AUTS2: variants seen among roughly 807,000 people sequenced by gnomAD.
The protein encoded by AUTS2 is autism susceptibility gene 2 protein.
AUTS2 carries 17 observed loss-of-function variants against 112.4 expected under a neutral mutation model. The ratio of observed to expected loss-of-function variants is 0.15; its 90% CI spans 0.10 to 0.23. The LOEUF (loss-of-function observed/expected upper bound fraction) is 0.23, where lower values mean the gene tolerates loss of function less well. Among genes scored for constraint, AUTS2 ranks in the 10% least tolerant of loss-of-function variants. The pLI is 1.00. For missense variants in AUTS2, 1,510 were observed against 1,701.6 expected, an observed-to-expected ratio of 0.89 and a Z score of 1.98; for synonymous variants, 751 against 702.7, an observed-to-expected ratio of 1.07 and a Z score of -1.09.
chr7:70,668,240 A>G (rs1240315898), intron 5 of AUTS2, among the ~76,000 whole-genome samples: 5 of 152,134 alleles, frequency 3.3e-5, no homozygotes, highest in African/African-American at 1.2e-4. Context: ...CAGCCTCCCA[A>G]AGTGCTGGGA....
chr7:70,756,005 C>A (rs1364633914), intron 6 of AUTS2, among the ~76,000 whole-genome samples: 1 of 151,974 alleles, frequency 6.6e-6, no homozygotes. Flanking sequence ...CACTTTTCCT[C>A]CTCCTCCTCC....
At chr7:69,992,242 A>C (rs1229456139) in intron 2 of AUTS2, among the ~76,000 whole-genome samples, 7 of 152,220 alleles carry the variant, frequency 4.6e-5, no homozygotes, top group Non-Finnish European at 8.8e-5. Flanking sequence ...AGCATAAAAG[A>C]TGTGAGAAGT....
chr7:70,014,065 T>C (rs1218756100), intron 2 of AUTS2, among the ~76,000 whole-genome samples: 1 of 152,218 alleles, frequency 6.6e-6, no homozygotes, highest in Non-Finnish European at 1.5e-5. Flanking sequence ...GTAAACACAC[T>C]TGTTCAGAAG....
intron 4 of AUTS2, among the ~76,000 whole-genome samples, chr7:70,245,509 A>G (rs1238456969): frequency 6.6e-6 from 1 of 152,162 alleles, no homozygotes; most frequent in African/African-American, 2.4e-5. Flanking sequence ...GATGGAATAT[A>G]TTCTGCAGTT....
chr7:69,962,541 A>G (rs1173340693), intron 2 of AUTS2, among the ~76,000 whole-genome samples: 3 of 152,128 alleles, frequency 2.0e-5, no homozygotes, highest in Non-Finnish European at 4.4e-5. Flanking sequence ...CTATCTTTGT[A>G]CTTTGCATTG....
intron 1 of AUTS2, among the ~76,000 whole-genome samples, chr7:69,626,175 A>G (rs966016726): frequency 6.6e-6 from 1 of 152,164 alleles, no homozygotes; most frequent in African/African-American, 2.4e-5. Context: ...AAATGTTGGA[A>G]TAGGTAAAGT....
At chr7:70,432,151 T>C (rs1795698171) in intron 4 of AUTS2, among the ~76,000 whole-genome samples, 1 of 152,246 alleles carries the variant, frequency 6.6e-6, no homozygotes, top group Admixed American at 6.5e-5. Flanking sequence ...GTAGTTAGTG[T>C]GCAACCTGTT....
intron 1 of AUTS2, among the ~76,000 whole-genome samples, chr7:69,755,778 G>A (rs1041856969): frequency 2.0e-5 from 3 of 152,046 alleles, no homozygotes. Context: ...TGACTTGGAT[G>A]GACACTTTGG....
intron 16 of AUTS2, 34 bp downstream of exon 16, chr7:70,785,053 G>A (rs753454723): frequency 2.7e-5 from 43 of 1,606,072 alleles, no homozygotes; most frequent in Non-Finnish European, 3.3e-5. Context: ...ACTGAGATGT[G>A]TGCTTCAGGC....
intron 5 of AUTS2, among the ~76,000 whole-genome samples, chr7:70,571,626 G>C (rs923711622): frequency 1.3e-5 from 2 of 152,208 alleles, no homozygotes; most frequent in Non-Finnish European, 2.9e-5. Context: ...TCAGCTTCCT[G>C]CTCAGGGAAT....
chr7:70,154,240 G>A lies in AUTS2; in HGVS notation c.660+19669G>A, dbSNP rs1807616340. ...TATGTCATTTCCTGAAGAAAAAAGT[G>A]TCCATCAGACAAGCAATTTCTGTAG... On this transcript the variant is annotated intron_variant, in intron 4 of 18. Transcript: ENST00000342771. Among the ~76,000 whole-genome samples, 3 of 152,302 alleles carry A rather than the reference G, an allele frequency of 2.0e-5. No homozygotes were observed. The South Asian group carries it at 6.2e-4, about 32-fold the overall frequency.
At chr7:69,649,492 T>C (rs937558474) in intron 1 of AUTS2, among the ~76,000 whole-genome samples, 1 of 152,164 alleles carries the variant, frequency 6.6e-6, no homozygotes, top group African/African-American at 2.4e-5. Context: ...TGTTTGCTGC[T>C]TTGTCAGAGT....
chr7:69,927,631 G>T (rs771181836), intron 2 of AUTS2, among the ~76,000 whole-genome samples: 1 of 152,180 alleles, frequency 6.6e-6, no homozygotes, highest in Non-Finnish European at 1.5e-5. Context: ...TACGCCAAGG[G>T]TGAGCCACAT....
intron 5 of AUTS2, among the ~76,000 whole-genome samples, chr7:70,658,860 A>C (rs895350279): frequency 6.6e-6 from 1 of 152,254 alleles, no homozygotes; most frequent in Non-Finnish European, 1.5e-5. Flanking sequence ...AAGCACAGAC[A>C]TATTGCAGAG....
intron 1 of AUTS2, among the ~76,000 whole-genome samples, chr7:69,722,166 TAAA>T (rs34600188): frequency 6.8e-6 from 1 of 147,440 alleles, no homozygotes; most frequent in African/African-American, 2.5e-5. Flanking sequence ...AAAAAAAAAA[TAAA>T]AAGCAATTCT....
At chr7:69,823,143 A>G (rs895926480) in intron 1 of AUTS2, among the ~76,000 whole-genome samples, 6 of 152,170 alleles carry the variant, frequency 3.9e-5, no homozygotes, top group Non-Finnish European at 8.8e-5. Context: ...TCATCATTCT[A>G]TCCTTACACT....
At chr7:70,784,863 C>A in intron 15 of AUTS2, 79 bp from the exon 16 acceptor site, 1 of 1,320,378 alleles carries the variant, frequency 7.6e-7, no homozygotes, top group Non-Finnish European at 1.1e-6. Context: ...CTCACGGGGC[C>A]CTTAAGCAAG....
intron 5 of AUTS2, among the ~76,000 whole-genome samples, chr7:70,521,350 G>T (rs965472651): frequency 2.0e-5 from 3 of 152,184 alleles, no homozygotes; most frequent in African/African-American, 7.2e-5. Context: ...CTTGCCATGT[G>T]ATGTGAATAC....
intron 6 of AUTS2, among the ~76,000 whole-genome samples, chr7:70,741,772 A>G (rs752352314): frequency 2.0e-5 from 3 of 152,098 alleles, no homozygotes; most frequent in Non-Finnish European, 2.9e-5. Context: ...AAGTTTGCTC[A>G]TGGGAGCTGA....
Sources: allele counts gnomAD v4.1 joint callset (sites outside exome capture counted in the v4.1 genomes callset), GRCh38; gene constraint gnomAD v4.1.1; transcripts MANE v1.5; gene names NCBI Gene and HGNC (gene_info 2026-07-23, HGNC 2026-07-21).